PKNOX2: variants seen among roughly 807,000 people sequenced by gnomAD.
PKNOX2 encodes homeobox protein PKNOX2.
PKNOX2 carries 14 observed loss-of-function variants against 53.1 expected under a neutral mutation model. That is an observed-to-expected ratio of 0.26 (90% CI 0.17 to 0.41). The LOEUF is 0.41. Ranked by LOEUF, PKNOX2 falls within the 10% of genes least tolerant of loss-of-function variation. The pLI is 1.00. For missense variants in PKNOX2, 496 were observed against 602.8 expected (o/e 0.82, Z 1.85); for synonymous variants, 257 against 242.8 (o/e 1.06, Z -0.54).
At position 125,349,877 on chromosome 11, in the gene PKNOX2, A is replaced by G. The variant is rs111615748; in HGVS notation, c.-22-1407A>G. On this transcript the variant is annotated intron_variant, in intron 3 of 12. Transcript: ENST00000298282. ...CACACACACACACACACACACACACAGCCCTGGAGGCCAGCCCCTTTAGAT... is the reference window on the plus strand; with the variant it reads ...CACACACACACACACACACACACACGGCCCTGGAGGCCAGCCCCTTTAGAT... Among the ~76,000 whole-genome samples, 235 of 149,712 alleles carry G rather than the reference A, an allele frequency of 1.6e-3. 1 individual carries two copies. The highest frequency in any genetic ancestry group is 5.6e-3 in the African/African-American group (225 of 40,408).
intron 1 of PKNOX2, among the ~76,000 whole-genome samples, chr11:125,218,975 G>T (rs1268708638): frequency 6.6e-6 from 1 of 152,118 alleles, no homozygotes; most frequent in African/African-American, 2.4e-5. Context: ...TCACAAGATG[G>T]TAGTGGCAGT....
chr11:125,251,506 G>T (rs1417539181), intron 2 of PKNOX2, among the ~76,000 whole-genome samples: 2 of 152,098 alleles, frequency 1.3e-5, no homozygotes, highest in Non-Finnish European at 2.9e-5. Flanking sequence ...TGTCTGTGGG[G>T]TATATGTGTA....
chr11:125,399,156 T>G (rs1191012406), intron 7 of PKNOX2, among the ~76,000 whole-genome samples: 5 of 152,232 alleles, frequency 3.3e-5, no homozygotes, highest in Admixed American at 6.5e-5. Flanking sequence ...CAGTGGGCTC[T>G]TTGTGAGACT....
At chr11:125,328,379 G>A (rs1389206497) in intron 2 of PKNOX2, among the ~76,000 whole-genome samples, 1 of 135,284 alleles carries the variant, frequency 7.4e-6, no homozygotes, top group East Asian at 2.0e-4. Flanking sequence ...GAGAGAGAGA[G>A]TGAGTGAGAG....
intron 2 of PKNOX2, among the ~76,000 whole-genome samples, chr11:125,321,379 G>C (rs1251943167): frequency 6.6e-6 from 1 of 152,150 alleles, no homozygotes; most frequent in Non-Finnish European, 1.5e-5. Context: ...AAATGGTGTA[G>C]TATTTGCATA....
rs548731159 is a variant in PKNOX2 at position 125,352,146 on chromosome 11, G to A, written c.87+754G>A. ...CCCTCCTACATCCTTTAGACCAGCC[G>A]CTTTTCCTTTTTGCTTCCCCCAGGT... On this transcript the variant is annotated intron_variant, in intron 4 of 12. Transcript: ENST00000298282. The surrounding 1 kb of genome is among the most constrained non-coding windows in gnomAD (Gnocchi z 4.1). 2.0e-5 allele frequency among the ~76,000 whole-genome samples: 3 copies of A among 152,198 alleles called. No homozygotes were observed. The highest frequency in any genetic ancestry group is 3.9e-4 in the East Asian group (2 of 5,174).
At chr11:125,359,571 T>C (rs1474471910) in intron 4 of PKNOX2, among the ~76,000 whole-genome samples, 1 of 152,190 alleles carries the variant, frequency 6.6e-6, no homozygotes, top group Non-Finnish European at 1.5e-5. Flanking sequence ...CCCTGTTGCC[T>C]CCTACCTATT....
chr11:125,361,230 C>G (rs1448982864), intron 4 of PKNOX2, among the ~76,000 whole-genome samples: 1 of 151,552 alleles, frequency 6.6e-6, no homozygotes, highest in Admixed American at 6.5e-5. Flanking sequence ...CCTCAAGGAT[C>G]CTACAGTCTA....
chr11:125,204,830 C>G (rs765950900), intron 1 of PKNOX2, among the ~76,000 whole-genome samples: 1 of 152,194 alleles, frequency 6.6e-6, no homozygotes, highest in Non-Finnish European at 1.5e-5. Context: ...TTACCCTGCT[C>G]TGAGCTCCTG....
At chr11:125,275,206 G>A (rs986810935) in intron 2 of PKNOX2, among the ~76,000 whole-genome samples, 1 of 152,170 alleles carries the variant, frequency 6.6e-6, no homozygotes. Flanking sequence ...CTGGGTGTTG[G>A]GGAGGGCTCT....
chr11:125,211,813 G>T (rs1026187547), intron 1 of PKNOX2, among the ~76,000 whole-genome samples: 3 of 152,084 alleles, frequency 2.0e-5, no homozygotes, highest in African/African-American at 7.2e-5. Flanking sequence ...CTTTGGGAAT[G>T]GGGGAGGAAG....
intron 4 of PKNOX2, among the ~76,000 whole-genome samples, chr11:125,366,248 G>A (rs1431879379): frequency 6.6e-6 from 1 of 152,140 alleles, no homozygotes; most frequent in Non-Finnish European, 1.5e-5. Context: ...TTGTCTTCTG[G>A]CTTCCAGGCA....
rs1941553303 is a variant in PKNOX2, at chr11:125,224,872, G to A, written c.-200-10173G>A. On this transcript the variant is annotated intron_variant, in intron 1 of 12. Coordinates refer to ENST00000298282, the MANE Select transcript of PKNOX2 (RefSeq NM_001382323.2). ...GAAACAATATTCAGGACCGCCCCCC[G>A]GAGGCAAGTTAGGGAATAATGAATG... Among the ~76,000 whole-genome samples the A allele has an allele frequency of 3.3e-5, 5 of 152,326 alleles. No homozygotes were observed. In the South Asian group the frequency reaches 8.3e-4, roughly 25 times the overall value.
intron 9 of PKNOX2, chr11:125,411,485 T>G (rs1955517161): frequency 6.9e-6 from 3 of 432,148 alleles, no homozygotes; most frequent in African/African-American, 6.4e-5. Flanking sequence ...TCTCTCTCTC[T>G]CTCTCTCTCT....
intron 2 of PKNOX2, among the ~76,000 whole-genome samples, chr11:125,249,624 C>A (rs1034700939): frequency 2.0e-5 from 3 of 152,116 alleles, no homozygotes; most frequent in Admixed American, 2.0e-4. Flanking sequence ...TATGCAAATA[C>A]AACACCATTT....
At chr11:125,252,738 C>T (rs1161434711) in intron 2 of PKNOX2, among the ~76,000 whole-genome samples, 2 of 152,168 alleles carry the variant, frequency 1.3e-5, no homozygotes, top group Non-Finnish European at 2.9e-5. Flanking sequence ...GGCACAAATC[C>T]CAGCAGAAGC....
chr11:125,399,449 G>A (rs73027831), intron 7 of PKNOX2, among the ~76,000 whole-genome samples: 3,071 of 152,292 alleles, frequency 0.02, 42 homozygotes, highest in Middle Eastern at 0.034. Flanking sequence ...GTGACGCTGC[G>A]CAGTCCCGGT....
intron 4 of PKNOX2, among the ~76,000 whole-genome samples, chr11:125,364,905 C>T (rs1952107811): frequency 6.6e-6 from 1 of 152,082 alleles, no homozygotes; most frequent in African/African-American, 2.4e-5. Context: ...CCATCTTCTC[C>T]ACGGTGGCCC....
At chr11:125,239,264 A>G (rs1197315997) in intron 2 of PKNOX2, among the ~76,000 whole-genome samples, 1 of 152,236 alleles carries the variant, frequency 6.6e-6, no homozygotes, top group Non-Finnish European at 1.5e-5. Context: ...ATGAGCAATA[A>G]AGAGGCAAAA....
Sources: allele counts gnomAD v4.1 joint callset (sites outside exome capture counted in the v4.1 genomes callset), GRCh38; gene constraint gnomAD v4.1.1; non-coding constraint Gnocchi (gnomAD v3.1); transcripts MANE v1.5; gene names NCBI Gene and HGNC (gene_info 2026-07-23, HGNC 2026-07-21).